Variants in DYNC1I1 observed in about 807,000 individuals in gnomAD.
DYNC1I1 encodes the protein dynein cytoplasmic 1 intermediate chain 1.
Under a neutral mutation model 86.6 loss-of-function variants are expected in DYNC1I1, and 43 were observed. The observed-to-expected ratio is 0.50, with a 90% CI of 0.39 to 0.64. DYNC1I1 has a LOEUF of 0.64. Among genes scored for constraint, DYNC1I1 ranks in the 30% least tolerant of loss-of-function variants. The pLI, the probability that DYNC1I1 is intolerant of heterozygous loss-of-function variation, is 0.00. For synonymous variants in DYNC1I1, 262 were observed against 283.7 expected (o/e 0.92, Z 0.77); for missense variants, 604 against 788.8 (o/e 0.77, Z 2.81).
chr7:96,059,369 G>A (rs1237691354), intron 14 of DYNC1I1, among the ~76,000 whole-genome samples: 1 of 151,976 alleles, frequency 6.6e-6, no homozygotes, highest in African/African-American at 2.4e-5. Context: ...AAAGATATTT[G>A]TTTACAATAT....
rs145593736 is a variant in DYNC1I1 at position 95,934,183 on chromosome 7, C to G, written c.491-43329C>G. 1.5e-3 allele frequency among the ~76,000 whole-genome samples: 235 copies of G among 152,190 alleles called. 1 individual carries two copies. Among genetic ancestry groups the G allele is most frequent in the African/African-American group, 5.3e-3 (222 of 41,542 alleles). The stretch of plus-strand genomic sequence containing the variant: ...CCTGAAAACAACCAACCATGGCCCC[C>G]CTCAATGATTTGGAGAAATGAAACA... On this transcript the variant is annotated intron_variant, in intron 6 of 16. Coordinates refer to ENST00000447467, the MANE Select transcript of DYNC1I1 (RefSeq NM_001135556.2).
intron 6 of DYNC1I1, among the ~76,000 whole-genome samples, chr7:95,967,191 A>G (rs575651601): frequency 3.3e-5 from 5 of 152,338 alleles, no homozygotes; most frequent in Non-Finnish European, 5.9e-5. Context: ...TACAATTTAT[A>G]TATCATAGCT....
chr7:95,868,370 A>G (rs1407244465), intron 5 of DYNC1I1, among the ~76,000 whole-genome samples: 1 of 152,240 alleles, frequency 6.6e-6, no homozygotes, highest in African/African-American at 2.4e-5. Flanking sequence ...GGGAAATTGT[A>G]TGTGAAAATT....
chr7:96,098,333 A>G lies in DYNC1I1; in HGVS notation c.*740A>G. The G allele has an allele frequency of 1.0e-6, 1 of 985,820 alleles. No individual in the cohort carries two copies. The highest frequency in any genetic ancestry group is 1.2e-6 in the Non-Finnish European group (1 of 829,956). 61.1% of individuals were successfully genotyped at this position (985,820 alleles called of 1,614,324 possible). On this transcript the variant is annotated 3_prime_UTR_variant, in exon 17 of 17. Coordinates refer to ENST00000447467, the MANE Select transcript of DYNC1I1 (RefSeq NM_001135556.2). ...AACAATATTTCAAATATCATTGACC[A>G]CTAATACTTCTCACTGAAGCTAACA... is the stretch of plus-strand genomic sequence containing the variant.
intron 1 of DYNC1I1, among the ~76,000 whole-genome samples, chr7:95,777,430 C>T (rs1245507763): frequency 1.3e-5 from 2 of 152,176 alleles, no homozygotes; most frequent in African/African-American, 4.8e-5. Flanking sequence ...TTCCCTGATA[C>T]AGCAGCTGTG....
chr7:95,945,583 A>C (rs1255607282), intron 6 of DYNC1I1, among the ~76,000 whole-genome samples: 1 of 152,208 alleles, frequency 6.6e-6, no homozygotes, highest in Non-Finnish European at 1.5e-5. Flanking sequence ...GTTTATAAAA[A>C]AAAGTGCTCT....
intron 4 of DYNC1I1, among the ~76,000 whole-genome samples, chr7:95,825,489 T>C (rs1202348546): frequency 6.6e-6 from 1 of 152,196 alleles, no homozygotes; most frequent in Non-Finnish European, 1.5e-5. Flanking sequence ...CCCAGAGATA[T>C]GTGAACAGCA....
intron 6 of DYNC1I1, among the ~76,000 whole-genome samples, chr7:95,910,702 C>T (rs547108141): frequency 3.9e-5 from 6 of 152,308 alleles, no homozygotes; most frequent in Non-Finnish European, 7.4e-5. Context: ...TTATAGGTTA[C>T]AGACTGGGTT....
intron 6 of DYNC1I1, among the ~76,000 whole-genome samples, chr7:95,906,487 T>C (rs765187365): frequency 6.6e-6 from 1 of 152,094 alleles, no homozygotes; most frequent in Non-Finnish European, 1.5e-5. Context: ...TTTCTGAGGG[T>C]CTTTAAAACA....
chr7:95,800,498 G>A lies in DYNC1I1; in HGVS notation c.-9-4223G>A, dbSNP rs114584659. Among the ~76,000 whole-genome samples, 944 of 152,246 alleles carry A rather than the reference G, an allele frequency of 6.2e-3. 14 individuals carry two copies. Among genetic ancestry groups the A allele is most frequent in the African/African-American group, 0.022 (910 of 41,538 alleles). On this transcript the variant is annotated intron_variant, in intron 1 of 16. Transcript: ENST00000447467. ...AGGGGAGATGCCACTGATGGAAAAA[G>A]AGTTCTGAATATGGGACTCTGCTCC...
chr7:96,003,510 G>A (rs1393313639), intron 10 of DYNC1I1, among the ~76,000 whole-genome samples: 1 of 152,152 alleles, frequency 6.6e-6, no homozygotes, highest in African/African-American at 2.4e-5. Context: ...GACCCCTTTG[G>A]TAGGGCTTCC....
intron 4 of DYNC1I1, among the ~76,000 whole-genome samples, chr7:95,825,837 T>G (rs1335349916): frequency 6.6e-6 from 1 of 152,174 alleles, no homozygotes; most frequent in Non-Finnish European, 1.5e-5. Context: ...TCTGTCATTC[T>G]CCAAAGGTGG....
At chr7:95,926,027 G>T (rs1294679914) in intron 6 of DYNC1I1, among the ~76,000 whole-genome samples, 1 of 152,118 alleles carries the variant, frequency 6.6e-6, no homozygotes, top group African/African-American at 2.4e-5. Context: ...TAATGCCCAG[G>T]GTTGGCAAGG....
chr7:95,929,683 C>T (rs1314747290), intron 6 of DYNC1I1, among the ~76,000 whole-genome samples: 1 of 152,190 alleles, frequency 6.6e-6, no homozygotes, highest in Non-Finnish European at 1.5e-5. Flanking sequence ...CATATTCAGT[C>T]TCTCCTCCCC....
At position 96,098,294 on chromosome 7, in the gene DYNC1I1, T is replaced by G; in HGVS notation, c.*701T>G. ...ACGAAATGAATTTTAATGCCTATTA[T>G]TTCTGGGTACTTTAACAATATTTCA... is the stretch of plus-strand genomic sequence containing the variant. On this transcript the variant is annotated 3_prime_UTR_variant, in exon 17 of 17. Transcript: ENST00000447467. The G allele has an allele frequency of 1.0e-6, 1 of 985,882 alleles. No homozygotes were observed. Among genetic ancestry groups the G allele is most frequent in the Non-Finnish European group, 1.2e-6 (1 of 829,942 alleles). 61.1% of individuals were successfully genotyped at this position (985,882 alleles called of 1,614,324 possible).
intron 6 of DYNC1I1, among the ~76,000 whole-genome samples, chr7:95,963,475 A>T (rs915424404): frequency 1.3e-5 from 2 of 152,174 alleles, no homozygotes; most frequent in African/African-American, 2.4e-5. Context: ...GGGGCAATTT[A>T]GGTTGGATTG....
At chr7:95,809,428 A>T (rs906075389) in intron 2 of DYNC1I1, among the ~76,000 whole-genome samples, 4 of 152,302 alleles carry the variant, frequency 2.6e-5, no homozygotes, top group South Asian at 2.1e-4. Context: ...ACAGGCTTTA[A>T]GACAGCCTCA....
At chr7:95,945,531 C>G (rs1792374362) in intron 6 of DYNC1I1, among the ~76,000 whole-genome samples, 1 of 152,110 alleles carries the variant, frequency 6.6e-6, no homozygotes, top group African/African-American at 2.4e-5. Context: ...AAATTAACTT[C>G]AGAATAACCT....
intron 4 of DYNC1I1, among the ~76,000 whole-genome samples, chr7:95,819,635 G>A (rs962749478): frequency 5.1e-4 from 77 of 152,136 alleles, no homozygotes; most frequent in Non-Finnish European, 7.4e-4. Flanking sequence ...AATTTAATAA[G>A]ACTATTAAAA....
Sources: allele counts gnomAD v4.1 joint callset (sites outside exome capture counted in the v4.1 genomes callset), GRCh38; gene constraint gnomAD v4.1.1; transcripts MANE v1.5; gene names NCBI Gene and HGNC (gene_info 2026-07-23, HGNC 2026-07-21).